PCDHGA5: variants seen among roughly 807,000 people sequenced by gnomAD.
PCDHGA5 encodes the protein protocadherin gamma-A5.
In PCDHGA5, 36 loss-of-function variants were observed where a neutral mutation model predicts 56.7. That is an observed-to-expected ratio of 0.64 (90% CI 0.49 to 0.84). The LOEUF (loss-of-function observed/expected upper bound fraction) is 0.84, where lower values mean the gene tolerates loss of function less well. Ranked by LOEUF, PCDHGA5 falls within the 40% of genes least tolerant of loss-of-function variation. The probability of loss-of-function intolerance (pLI) is 0.00; values close to 1 mark genes in which losing one functional copy is unlikely to be tolerated. For synonymous variants in PCDHGA5, 563 were observed against 520.2 expected, an observed-to-expected ratio of 1.08 and a Z score of -1.12; for missense variants, 1,305 against 1,201.5, an observed-to-expected ratio of 1.09 and a Z score of -1.27.
chr5:141,409,808 G>A lies in PCDHGA5; in HGVS notation c.2421+43057G>A, dbSNP rs1445467116. On this transcript the variant is annotated intron_variant, in intron 1 of 3. Coordinates refer to ENST00000518069, the MANE Select transcript of PCDHGA5 (RefSeq NM_018918.3). ...CTTCGCGCTCACGCTGCAGGCCCGC[G>A]ACCACGGCTCGCCCACGCTCAGCGC... 4.3e-6 allele frequency: 7 copies of A among 1,611,624 alleles called. No individual in the cohort carries two copies. In the East Asian group the frequency reaches 1.3e-4, roughly 31 times the overall value.
Position 141,511,565 on chromosome 5 carries a change from AG to A in PCDHGA5, c.*393del, listed in dbSNP as rs2099883852. 6.8e-6 allele frequency: 2 copies of A among 296,092 alleles called. No homozygotes were observed. Among genetic ancestry groups the A allele is most frequent in the South Asian group, 7.4e-5 (2 of 26,988 alleles). The allele number at this position is 296,092 out of a possible 1,614,324, so 18.3% of individuals were successfully genotyped here. On this transcript the variant is annotated 3_prime_UTR_variant, in exon 4 of 4. Transcript: ENST00000518069. ...CCACTCCAACAGTTCCTCTTTCCCG[AG>A]TAAGGTGGTTGGGGTGTTGAAGTAC...
At chr5:141,420,672 G>T (rs1478670282) in intron 1 of PCDHGA5, among the ~76,000 whole-genome samples, 1 of 152,296 alleles carries the variant, frequency 6.6e-6, no homozygotes, top group African/African-American at 2.4e-5. Flanking sequence ...CCTACCTGAT[G>T]ATTTTATCGG....
chr5:141,452,584 T>C (rs992607928), intron 1 of PCDHGA5, among the ~76,000 whole-genome samples: 1 of 152,182 alleles, frequency 6.6e-6, no homozygotes, highest in Non-Finnish European at 1.5e-5. Context: ...TTTCCATCTT[T>C]GTATTTTTAT....
At chr5:141,408,851 G>C in intron 1 of PCDHGA5, 1 of 1,613,574 alleles carries the variant, frequency 6.2e-7, no homozygotes, top group Non-Finnish European at 8.5e-7. Flanking sequence ...TGCCTTGGAC[G>C]GAGGGGACCC....
intron 1 of PCDHGA5, chr5:141,393,681 C>G (rs2092820491): frequency 1.2e-6 from 2 of 1,613,772 alleles, no homozygotes; most frequent in Non-Finnish European, 1.7e-6. Context: ...AAAACAAACT[C>G]CGTTATTCCA....
At chr5:141,428,882 T>C in intron 1 of PCDHGA5, 1 of 151,216 alleles carries the variant, frequency 6.6e-6, no homozygotes, top group African/African-American at 2.4e-5. Context: ...TTGGACGGAG[T>C]CTCGCTCTGT....
At chr5:141,378,957 A>T (rs1303880032) in intron 1 of PCDHGA5, 2 of 152,224 alleles carry the variant, frequency 1.3e-5, no homozygotes, top group Non-Finnish European at 2.9e-5. Context: ...AGTACAGGGG[A>T]TTCTCTAATT....
chr5:141,426,829 A>G, intron 1 of PCDHGA5: 2 of 456,716 alleles, frequency 4.4e-6, no homozygotes, highest in South Asian at 3.1e-5. Context: ...CTGATGATGG[A>G]CAAGACTAAA....
At position 141,431,337 on chromosome 5, in the gene PCDHGA5, A is replaced by C. The variant is rs1412811147; in HGVS notation, c.2422-63470A>C. On this transcript the variant is annotated intron_variant, in intron 1 of 3. Coordinates refer to ENST00000518069, the MANE Select transcript of PCDHGA5 (RefSeq NM_018918.3). The surrounding 1 kb of genome is among the most constrained non-coding windows in gnomAD (Gnocchi z 4.8). ...GGAGCCGACGGTAGTAAGTACCCCG[A>C]ATTGGTGCTGAAACGCGCCCTGGAC... 6.2e-7 allele frequency: 1 copy of C among 1,613,926 alleles called. No homozygotes were observed. The highest frequency in any genetic ancestry group is 1.7e-5 in the Admixed American group (1 of 60,006).
At chr5:141,369,244 TTAAA>T (rs1159204045) in intron 1 of PCDHGA5, among the ~76,000 whole-genome samples, 2 of 152,116 alleles carry the variant, frequency 1.3e-5, no homozygotes, top group Admixed American at 1.3e-4. Flanking sequence ...ACTTATATAA[TTAAA>T]TAATATAATT....
rs191053275 is a variant in PCDHGA5, at chr5:141,384,800, A to T, written c.2421+18049A>T. 1,106 of 1,613,428 alleles carry T rather than the reference A, an allele frequency of 6.9e-4. 2 individuals are homozygous for T. In the Middle Eastern group the frequency reaches 0.018, roughly 27 times the overall value. ...GTGCGCACGGCTCGGGCCCTGCTGGACAGAGATGCCCTCAAGCAGAGCCTC... is the reference window on the plus strand; with the variant it reads ...GTGCGCACGGCTCGGGCCCTGCTGGTCAGAGATGCCCTCAAGCAGAGCCTC... On this transcript the variant is annotated intron_variant, in intron 1 of 3. Transcript: ENST00000518069.
chr5:141,443,226 A>T (rs2098374954), intron 1 of PCDHGA5, among the ~76,000 whole-genome samples: 1 of 152,042 alleles, frequency 6.6e-6, no homozygotes, highest in Non-Finnish European at 1.5e-5. Flanking sequence ...CGCATCTATA[A>T]TCTTAGCACT....
chr5:141,410,090 C>A (rs369832481), intron 1 of PCDHGA5: 51 of 1,612,358 alleles, frequency 3.2e-5, no homozygotes, highest in Middle Eastern at 1.7e-4. Context: ...GCGCACGGCT[C>A]GAGCCTTAGG....
intron 1 of PCDHGA5, among the ~76,000 whole-genome samples, chr5:141,472,913 G>A (rs1049221725): frequency 2.0e-5 from 3 of 147,764 alleles, no homozygotes; most frequent in African/African-American, 2.5e-5. Context: ...TTGAACCCAA[G>A]AGGAGGAGGT....
intron 1 of PCDHGA5, chr5:141,375,081 T>C (rs1588758093): frequency 1.9e-6 from 3 of 1,613,960 alleles, no homozygotes; most frequent in Non-Finnish European, 2.5e-6. Context: ...AGAGCGAAAG[T>C]CTTAATAACT....
intron 1 of PCDHGA5, among the ~76,000 whole-genome samples, chr5:141,382,440 G>T (rs1184288404): frequency 6.6e-6 from 1 of 152,174 alleles, no homozygotes; most frequent in Non-Finnish European, 1.5e-5. Flanking sequence ...TCACTTGAAA[G>T]TTGCAAGGCA....
Position 141,486,294 on chromosome 5 carries a change from T to C in PCDHGA5, c.2422-8513T>C, listed in dbSNP as rs764106041. The C allele has an allele frequency of 1.2e-6, 2 of 1,614,036 alleles. No homozygotes were observed. The highest frequency in any genetic ancestry group is 1.7e-6 in the Non-Finnish European group (2 of 1,179,998). On this transcript the variant is annotated intron_variant, in intron 1 of 3. Transcript: ENST00000518069. The surrounding 1 kb of genome is among the most constrained non-coding windows in gnomAD (Gnocchi z 5.0). ...GGCACTGTGGTGGCACTTATCAGTG[T>C]GCAGGATCCAGACTCAGGGTCAAAC...
At chr5:141,413,625 C>A (rs372855865) in intron 1 of PCDHGA5, 22 of 1,613,734 alleles carry the variant, frequency 1.4e-5, no homozygotes, top group Non-Finnish European at 1.9e-5. Flanking sequence ...ATGAAAATGT[C>A]GCTGCGGGAA....
At chr5:141,416,652 A>T (rs1028914487) in intron 1 of PCDHGA5, 1 of 152,240 alleles carries the variant, frequency 6.6e-6, no homozygotes, top group Non-Finnish European at 1.5e-5. Context: ...ACAGCTGTAA[A>T]AAAGAAAAGA....
Sources: gnomAD v4.1 joint callset for allele counts (sites outside exome capture counted in the v4.1 genomes callset) on GRCh38, gnomAD v4.1.1 for gene constraint, Gnocchi (gnomAD v3.1) non-coding constraint, MANE v1.5 for transcripts, NCBI Gene and HGNC (gene_info 2026-07-23, HGNC 2026-07-21) for gene names.